Variants in FAM169A observed in about 807,000 individuals in gnomAD.
The protein encoded by FAM169A is soluble lamin-associated protein of 75 kDa.
Under a neutral mutation model 75.7 loss-of-function variants are expected in FAM169A, and 24 were observed. The observed-to-expected ratio is 0.32, with a 90% CI of 0.23 to 0.45. FAM169A has a LOEUF of 0.45. Among genes scored for constraint, FAM169A ranks in the 20% least tolerant of loss-of-function variants. The pLI, the probability that FAM169A is intolerant of heterozygous loss-of-function variation, is 1.00. For synonymous variants in FAM169A, 271 were observed against 271.0 expected, an observed-to-expected ratio of 1.00 and a Z score of 0.00; for missense variants, 673 against 784.0, an observed-to-expected ratio of 0.86 and a Z score of 1.69.
Position 74,801,645 on chromosome 5 carries a change from A to T in FAM169A, c.913-16T>A. ...GAGAATCAATCTAAAAAAGAGAGAG[A>T]TTCAAACCCAAAGTTTTAGACTATT... On this transcript the variant is annotated splice_polypyrimidine_tract_variant and intron_variant, in intron 8 of 12. Coordinates refer to ENST00000687041, the MANE Select transcript of FAM169A (RefSeq NM_001376049.1). 4 of 1,601,882 alleles carry T rather than the reference A, an allele frequency of 2.5e-6. No homozygotes were observed. The highest frequency in any genetic ancestry group is 3.4e-6 in the Non-Finnish European group (4 of 1,172,838).
chr5:74,846,904 T>A lies in FAM169A; in HGVS notation c.-3-5225A>T, dbSNP rs116120298. 9.1e-3 allele frequency among the ~76,000 whole-genome samples: 1,382 copies of A among 152,274 alleles called. 9 individuals are homozygous for A. Among genetic ancestry groups the A allele is most frequent in the Non-Finnish European group, 0.016 (1,058 of 68,018 alleles). On this transcript the variant is annotated intron_variant, in intron 1 of 12. Coordinates refer to ENST00000687041, the MANE Select transcript of FAM169A (RefSeq NM_001376049.1). Reference sequence around the variant, plus strand: ...ATAAGAGTGGTATACAGGCCCACCCTACTACGTCATGGCAGGGGTGAGACT... The same window carrying A: ...ATAAGAGTGGTATACAGGCCCACCCAACTACGTCATGGCAGGGGTGAGACT...
chr5:74,779,529 CAG>C lies in FAM169A; in HGVS notation c.*1929_*1930del, dbSNP rs918120987. The C allele has an allele frequency of 3.3e-5, 5 of 150,434 alleles. No individual in the cohort carries two copies. The highest frequency in any genetic ancestry group is 1.9e-4 in the East Asian group (1 of 5,192). The allele number at this position is 150,434 out of a possible 1,614,324, so 9.3% of individuals were successfully genotyped here. A position where few individuals can be genotyped will look rare whatever the true frequency, so the allele number is the denominator to read the frequency against. ...AGATTAAGAATTTACTGAATCTTAA[CAG>C]AGTATTTCCCTTTGTGATATTGACA... On this transcript the variant is annotated 3_prime_UTR_variant, in exon 13 of 13. Coordinates refer to ENST00000687041, the MANE Select transcript of FAM169A (RefSeq NM_001376049.1).
intron 5 of FAM169A, among the ~76,000 whole-genome samples, chr5:74,826,204 T>C (rs914966439): frequency 2.6e-5 from 4 of 152,218 alleles, no homozygotes; most frequent in Non-Finnish European, 4.4e-5. Context: ...TGACTAACTT[T>C]TCCAAAAATT....
intron 1 of FAM169A, among the ~76,000 whole-genome samples, chr5:74,849,525 T>C (rs1262274920): frequency 6.6e-6 from 1 of 151,978 alleles, no homozygotes; most frequent in African/African-American, 2.4e-5. Context: ...TCTCAACCAA[T>C]CCAATTCATG....
rs920851753 is a variant in FAM169A at position 74,781,253 on chromosome 5, T to C, written c.*207A>G. The C allele has an allele frequency of 6.1e-6, 3 of 490,434 alleles. No homozygotes were observed. The highest frequency in any genetic ancestry group is 3.8e-5 in the African/African-American group (2 of 51,988). The allele number at this position is 490,434 out of a possible 1,614,324, so 30.4% of individuals were successfully genotyped here. ...AAACATGGTTAATAAAAATAAAAAA[T>C]TGCATTTACCAAAAATAGCCTGGAA... is the stretch of plus-strand genomic sequence containing the variant. On this transcript the variant is annotated 3_prime_UTR_variant, in exon 13 of 13. Coordinates refer to ENST00000687041, the MANE Select transcript of FAM169A (RefSeq NM_001376049.1).
At chr5:74,857,816 A>G (rs1749803529) in intron 1 of FAM169A, among the ~76,000 whole-genome samples, 1 of 152,076 alleles carries the variant, frequency 6.6e-6, no homozygotes, top group Admixed American at 6.5e-5. Flanking sequence ...CCAACTAGAG[A>G]CAGGAGAAAC....
chr5:74,799,413 G>A (rs969458028), intron 10 of FAM169A: 1 of 1,613,240 alleles, frequency 6.2e-7, no homozygotes, highest in Non-Finnish European at 8.5e-7. Context: ...TTAAAAAGCT[G>A]ATTCGCTCCA....
intron 10 of FAM169A, chr5:74,799,194 C>A (rs1220850250): frequency 1.6e-6 from 2 of 1,215,438 alleles, no homozygotes; most frequent in Non-Finnish European, 2.5e-6. Context: ...ATGACCACAT[C>A]GTCACTTGTG....
In FAM169A at chr5:74,780,408, G is replaced by C. The variant is rs909904690; in HGVS notation, c.*1052C>G. On this transcript the variant is annotated 3_prime_UTR_variant, in exon 13 of 13. Coordinates refer to ENST00000687041, the MANE Select transcript of FAM169A (RefSeq NM_001376049.1). ...CATAAGCCGGCAGGCAGGAAGATCTGTTGATTGGAGAATCACTCCATGAGT... is the reference window on the plus strand; with the variant it reads ...CATAAGCCGGCAGGCAGGAAGATCTCTTGATTGGAGAATCACTCCATGAGT... 4 of 152,276 alleles carry C rather than the reference G, an allele frequency of 2.6e-5. No individual in the cohort carries two copies. The highest frequency in any genetic ancestry group is 7.2e-5 in the African/African-American group (3 of 41,460). The allele number at this position is 152,276 out of a possible 1,614,324, so 9.4% of individuals were successfully genotyped here.
At chr5:74,792,360 T>C (rs1580081373) in intron 11 of FAM169A, among the ~76,000 whole-genome samples, 1 of 152,286 alleles carries the variant, frequency 6.6e-6, no homozygotes, top group South Asian at 2.1e-4. Context: ...CACCATCTAA[T>C]CAGCTGCCAG....
chr5:74,782,224 TAA>T (rs1297083339), intron 12 of FAM169A, among the ~76,000 whole-genome samples: 4 of 152,202 alleles, frequency 2.6e-5, no homozygotes, highest in African/African-American at 9.7e-5. Context: ...ATTTTAATAC[TAA>T]GTTATTACTT....
At chr5:74,837,947 G>A (rs1419306080) in intron 4 of FAM169A, among the ~76,000 whole-genome samples, 1 of 151,348 alleles carries the variant, frequency 6.6e-6, no homozygotes, top group African/African-American at 2.4e-5. Flanking sequence ...GAGAAACATC[G>A]TCGCTACTAA....
At chr5:74,866,116 G>A (rs1028755880) in intron 1 of FAM169A, 49 bp downstream of exon 1, 6 of 917,690 alleles carry the variant, frequency 6.5e-6, no homozygotes, top group East Asian at 1.2e-4. Flanking sequence ...CGGCGCGGCC[G>A]TCTCGGCCTC....
intron 5 of FAM169A, among the ~76,000 whole-genome samples, chr5:74,817,581 A>T (rs1747534979): frequency 6.6e-6 from 1 of 152,200 alleles, no homozygotes; most frequent in Admixed American, 6.5e-5. Context: ...TAAAAACTTA[A>T]TATGCTAAGA....
At chr5:74,787,349 A>C (rs986707771) in intron 11 of FAM169A, among the ~76,000 whole-genome samples, 10 of 152,108 alleles carry the variant, frequency 6.6e-5, no homozygotes. Flanking sequence ...AAGATGGCTC[A>C]CTCTGAGCGA....
In FAM169A at chr5:74,841,564, A is replaced by C. The variant is rs1485393307; in HGVS notation, c.113T>G (p.Phe38Cys). 3 of 1,613,256 alleles carry C rather than the reference A, an allele frequency of 1.9e-6. No individual in the cohort carries two copies. The Admixed American group carries it at 5.0e-5, about 27-fold the overall frequency. ...RCGDPENPECFSLLNITIPIS... is the reference protein window; with the variant it reads ...RCGDPENPECCSLLNITIPIS... The stretch of plus-strand genomic sequence containing the variant: ...CCTTACCGTAATATTGAGAAGAGAA[A>C]AACACTCTGGATTTTCAGGGTCCCC... Residue 38 changes from phenylalanine to cysteine, a missense_variant, in exon 2 of 13, where the codon TTT (phenylalanine) becomes TGT (cysteine). By Grantham distance (205) the Phe-to-Cys change is radical. Coordinates refer to ENST00000687041, the MANE Select transcript of FAM169A (RefSeq NM_001376049.1).
chr5:74,792,140 TTG>T (rs1354196367), intron 11 of FAM169A, among the ~76,000 whole-genome samples: 1 of 152,174 alleles, frequency 6.6e-6, no homozygotes, highest in Non-Finnish European at 1.5e-5. Context: ...TTGTCTTTAT[TTG>T]AAGATTATGT....
At chr5:74,806,975 C>T (rs1165808319) in intron 6 of FAM169A, among the ~76,000 whole-genome samples, 1 of 152,044 alleles carries the variant, frequency 6.6e-6, no homozygotes, top group African/African-American at 2.4e-5. Flanking sequence ...ATGACAAGCA[C>T]CAAGAAGAAT....
Position 74,781,336 on chromosome 5 carries a change from G to C in FAM169A, c.*124C>G. On this transcript the variant is annotated 3_prime_UTR_variant, in exon 13 of 13. Coordinates refer to ENST00000687041, the MANE Select transcript of FAM169A (RefSeq NM_001376049.1). The stretch of plus-strand genomic sequence containing the variant: ...AGGGAAGCAAAAAACTGCATAGTAA[G>C]TAAGTTCAAATTGAAATTTTGGAAA... 1 of 834,648 alleles carries C rather than the reference G, an allele frequency of 1.2e-6. No homozygotes were observed. 51.7% of individuals were successfully genotyped at this position (834,648 alleles called of 1,614,324 possible). A position where few individuals can be genotyped will look rare whatever the true frequency, so the allele number is the denominator to read the frequency against.
Sources: allele counts gnomAD v4.1 joint callset (sites outside exome capture counted in the v4.1 genomes callset), GRCh38; gene constraint gnomAD v4.1.1; transcripts MANE v1.5; gene names NCBI Gene and HGNC (gene_info 2026-07-23, HGNC 2026-07-21).